AKR1C2: variants seen among roughly 807,000 people sequenced by gnomAD.
AKR1C2 encodes the protein aldo-keto reductase family 1 member C2.
AKR1C2 carries 27 observed loss-of-function variants against 39.8 expected under a neutral mutation model. That is an observed-to-expected ratio of 0.68 (90% CI 0.50 to 0.93). The LOEUF (loss-of-function observed/expected upper bound fraction) is 0.93. Among genes scored for constraint, AKR1C2 ranks in the 40% least tolerant of loss-of-function variants. The pLI, the probability that AKR1C2 is intolerant of heterozygous loss-of-function variation, is 0.00. For missense variants in AKR1C2, 263 were observed against 365.1 expected (o/e 0.72, Z 2.28); for synonymous variants, 114 against 137.9 (o/e 0.83, Z 1.22).
chr10:4,998,065 G>A (rs1554773335), intron 5 of AKR1C2, among the ~76,000 whole-genome samples: 1 of 152,164 alleles, frequency 6.6e-6, no homozygotes, highest in African/African-American at 2.4e-5. Flanking sequence ...TCCATAAACA[G>A]GTCATTTTCT....
chr10:4,995,966 T>C lies in AKR1C2; in HGVS notation c.571-101A>G, dbSNP rs577535131. 475 of 1,358,600 alleles carry C rather than the reference T, an allele frequency of 3.5e-4. 6 individuals are homozygous for C. The highest frequency in any genetic ancestry group is 4.4e-4 in the Non-Finnish European group (439 of 1,004,704). 84.2% of individuals were successfully genotyped at this position (1,358,600 alleles called of 1,614,324 possible). A position where few individuals can be genotyped will look rare whatever the true frequency, so the allele number is the denominator to read the frequency against. On this transcript the variant is annotated intron_variant, in intron 5 of 8. Transcript: ENST00000380753. ...AGCTGAATAATGTAGAGCATTAAAT[T>C]TGAACTGAGAATATTATTGTCAAAA...
chr10:4,999,647 A>G (rs1273856970), intron 3 of AKR1C2: 1 of 179,614 alleles, frequency 5.6e-6, no homozygotes, highest in African/African-American at 2.4e-5. Flanking sequence ...CCCAGGTGCC[A>G]CTATCAGAGT....
chr10:4,992,996 T>C (rs1403761512), intron 7 of AKR1C2, among the ~76,000 whole-genome samples: 3 of 152,164 alleles, frequency 2.0e-5, no homozygotes, highest in African/African-American at 4.8e-5. Context: ...ATTAATGATA[T>C]ATTTATTAAG....
intron 8 of AKR1C2, among the ~76,000 whole-genome samples, chr10:4,991,529 C>T (rs1164175194): frequency 1.3e-5 from 2 of 152,192 alleles, no homozygotes; most frequent in Non-Finnish European, 2.9e-5. Flanking sequence ...GTACACTAGA[C>T]AGTAATACAA....
intron 7 of AKR1C2, among the ~76,000 whole-genome samples, chr10:4,993,060 A>ATC (rs1836897728): frequency 6.6e-6 from 1 of 152,214 alleles, no homozygotes. Flanking sequence ...TGGACTGGAA[A>ATC]TCTCAATATT....
upstream of AKR1C2, among the ~76,000 whole-genome samples, chr10:5,004,502 A>G (rs1346846233): frequency 2.1e-4 from 32 of 152,230 alleles, no homozygotes; most frequent in African/African-American, 7.7e-4. Flanking sequence ...GTTTTATTGG[A>G]AGATTTCTTA....
At chr10:5,011,946 G>A (rs548005486) in intron 1 of AKR1C2, among the ~76,000 whole-genome samples, 6 of 152,264 alleles carry the variant, frequency 3.9e-5, no homozygotes, top group Non-Finnish European at 7.4e-5. Context: ...GTTGCCTGAA[G>A]TATAATCTAG....
At chr10:5,015,681 T>G (rs1327289207) in intron 1 of AKR1C2, among the ~76,000 whole-genome samples, 14 of 152,182 alleles carry the variant, frequency 9.2e-5, no homozygotes, top group African/African-American at 3.4e-4. Flanking sequence ...GAGCAGAGCA[T>G]GGACATATTT....
chr10:4,993,061 T>A lies in AKR1C2; in HGVS notation c.847-1148A>T, dbSNP rs545782879. 8.5e-5 allele frequency among the ~76,000 whole-genome samples: 13 copies of A among 152,330 alleles called. No individual in the cohort carries two copies. In the South Asian group the frequency reaches 2.7e-3, roughly 32 times the overall value. Reference sequence around the variant, plus strand: ...TCATATTATGATCATGGACTGGAAATCTCAATATTGTCAAAGATTCAGTTC... The same window carrying A: ...TCATATTATGATCATGGACTGGAAAACTCAATATTGTCAAAGATTCAGTTC... On this transcript the variant is annotated intron_variant, in intron 7 of 8. Transcript: ENST00000380753.
intron 2 of AKR1C2, among the ~76,000 whole-genome samples, chr10:5,001,216 CAG>C (rs1265168745): frequency 1.3e-5 from 2 of 152,106 alleles, no homozygotes; most frequent in African/African-American, 4.8e-5. Context: ...CAGGAGGTAA[CAG>C]ATAACATAAT....
At chr10:5,017,875 G>C (rs1443683851) in intron 1 of AKR1C2, 2 of 152,798 alleles carry the variant, frequency 1.3e-5, no homozygotes, top group African/African-American at 4.8e-5. Flanking sequence ...AGAAGGCATG[G>C]CACGGGAGGC....
rs1368998772 is a variant in AKR1C2, at chr10:4,989,886, A to G, written c.*110T>C. 3 of 1,447,914 alleles carry G rather than the reference A, an allele frequency of 2.1e-6. No homozygotes were observed. Among genetic ancestry groups the G allele is most frequent in the Non-Finnish European group, 2.8e-6 (3 of 1,058,436 alleles). The allele number at this position is 1,447,914 out of a possible 1,614,324, so 89.7% of individuals were successfully genotyped here. On this transcript the variant is annotated 3_prime_UTR_variant, in exon 9 of 9. Transcript: ENST00000380753. Reference sequence around the variant, plus strand: ...CTGTAGCTTACTGAAGTCGCCAAGCAGGAGAGATTTAACCAGAGGCGATGT... The same window carrying G: ...CTGTAGCTTACTGAAGTCGCCAAGCGGGAGAGATTTAACCAGAGGCGATGT...
Position 5,000,633 on chromosome 10 carries a change from G to C in AKR1C2, c.286C>G (p.Arg96Gly), listed in dbSNP as rs552115312. Residue 96 changes from arginine (R) to glycine (G), a missense_variant, in exon 3 of 9, where the codon CGA becomes GGA. By Grantham distance (125) the Arg-to-Gly change is moderately radical. This residue lies in a region of AKR1C2 where 247 missense variants were observed against 267.9 expected (regional missense o/e 0.92). Coordinates refer to ENST00000380753, the MANE Select transcript of AKR1C2 (RefSeq NM_001393392.1). ...TTCAGTGACCTTTCCAAGGCTGGTCGGACCAACTCTGGTCGATGGGAATTG... is the reference window on the plus strand; with the variant it reads ...TTCAGTGACCTTTCCAAGGCTGGTCCGACCAACTCTGGTCGATGGGAATTG... ...WSNSHRPELVRPALERSLKNL... is the reference protein window; with the variant it reads ...WSNSHRPELVGPALERSLKNL... 2.5e-6 allele frequency: 4 copies of C among 1,613,926 alleles called. No homozygotes were observed. Among genetic ancestry groups the C allele is most frequent in the Non-Finnish European group, 3.4e-6 (4 of 1,179,878 alleles).
At chr10:5,012,712 T>G (rs1837548574) in intron 1 of AKR1C2, among the ~76,000 whole-genome samples, 1 of 152,212 alleles carries the variant, frequency 6.6e-6, no homozygotes, top group African/African-American at 2.4e-5. Context: ...GTGAGAAAAT[T>G]AATTATGGTG....
intron 1 of AKR1C2, among the ~76,000 whole-genome samples, chr10:5,011,918 A>G (rs1837531712): frequency 6.6e-6 from 1 of 152,232 alleles, no homozygotes; most frequent in Non-Finnish European, 1.5e-5. Context: ...TGTCTGTATA[A>G]GTTATAACAT....
At chr10:5,012,453 A>C (rs1837542716) in intron 1 of AKR1C2, among the ~76,000 whole-genome samples, 1 of 151,596 alleles carries the variant, frequency 6.6e-6, no homozygotes, top group Non-Finnish European at 1.5e-5. Context: ...AAATCCTTAC[A>C]AGTGGCACCC....
chr10:5,000,686 G>A lies in AKR1C2; in HGVS notation c.253-20C>T, dbSNP rs1284598631. 3.1e-6 allele frequency: 5 copies of A among 1,600,356 alleles called. No homozygotes were observed. The highest frequency in any genetic ancestry group is 1.3e-5 in the African/African-American group (1 of 74,168). The stretch of plus-strand genomic sequence containing the variant: ...CCAAAGCTGCAGAGGTTAGAGAAAC[G>A]AAGTTGTGTAATGAAAACTTGAGCC... On this transcript the variant is annotated intron_variant, in intron 2 of 8. Transcript: ENST00000380753.
At position 4,999,188 on chromosome 10, in the gene AKR1C2, C is replaced by T. The variant is rs782025915; in HGVS notation, c.447+12G>A. 98 of 1,603,100 alleles carry T rather than the reference C, an allele frequency of 6.1e-5. 1 individual carries two copies. In the South Asian group the frequency reaches 1.1e-3, roughly 17 times the overall value. ...ATCTTTCTTATCCGTTCTCTCACCT[C>T]CAAACACTCACCTCCCATGTGGCAC... On this transcript the variant is annotated intron_variant, in intron 4 of 8. Transcript: ENST00000380753.
intron 1 of AKR1C2, among the ~76,000 whole-genome samples, chr10:5,010,910 TAA>T (rs1837510263): frequency 6.6e-6 from 1 of 151,878 alleles, no homozygotes; most frequent in Non-Finnish European, 1.5e-5. Context: ...AAATCTAAGG[TAA>T]ACTTATTGGG....
Sources: gnomAD v4.1 joint callset for allele counts (sites outside exome capture counted in the v4.1 genomes callset) on GRCh38, gnomAD v4.1.1 for gene constraint, gnomAD v4.1.1 regional missense constraint, MANE v1.5 for transcripts, NCBI Gene and HGNC (gene_info 2026-07-23, HGNC 2026-07-21) for gene names.